Variants in TMEM163 observed in about 807,000 individuals in gnomAD.
TMEM163 encodes the protein transmembrane protein 163.
In TMEM163, 17 loss-of-function variants were observed where a neutral mutation model predicts 29.3. The observed-to-expected ratio is 0.58, with a 90% CI of 0.40 to 0.87. The LOEUF is 0.87. Ranked by LOEUF, TMEM163 falls within the 40% of genes least tolerant of loss-of-function variation. The probability of loss-of-function intolerance (pLI) is 0.00; values close to 1 mark genes in which losing one functional copy is unlikely to be tolerated. For synonymous variants in TMEM163, 157 were observed against 160.6 expected (o/e 0.98, Z 0.17); for missense variants, 303 against 381.5 (o/e 0.79, Z 1.71).
Position 134,491,446 on chromosome 2 carries a change from G to A in TMEM163, c.555+11455C>T, listed in dbSNP as rs144143925. ...AGAATCTTCTGAGAGACTGAGTCTC[G>A]GGGCCGTATTTCCTCTATCAGGAAA... On this transcript the variant is annotated intron_variant, in intron 5 of 7. Transcript: ENST00000281924. Among the ~76,000 whole-genome samples, 30 of 152,214 alleles carry A rather than the reference G, an allele frequency of 2.0e-4. 2 individuals carry two copies. Among genetic ancestry groups the A allele is most frequent in the African/African-American group, 5.8e-4 (24 of 41,518 alleles).
intron 2 of TMEM163, among the ~76,000 whole-genome samples, chr2:134,558,357 A>G (rs1681093331): frequency 1.3e-5 from 2 of 152,174 alleles, no homozygotes; most frequent in Admixed American, 1.3e-4. Flanking sequence ...TTTACGTGTC[A>G]AAGGGGTAAT....
At chr2:134,485,251 C>T (rs988758251) in intron 5 of TMEM163, among the ~76,000 whole-genome samples, 1 of 152,188 alleles carries the variant, frequency 6.6e-6, no homozygotes, top group Non-Finnish European at 1.5e-5. Flanking sequence ...AATCATCTAA[C>T]ACAAAGCCTG....
intron 5 of TMEM163, among the ~76,000 whole-genome samples, chr2:134,492,335 T>C (rs1025299834): frequency 6.6e-6 from 1 of 152,184 alleles, no homozygotes; most frequent in Non-Finnish European, 1.5e-5. Context: ...CCAACCACAG[T>C]CCCTGGGTGC....
chr2:134,718,050 A>G lies in TMEM163; in HGVS notation c.202+684T>C, dbSNP rs1259558428. 2.0e-5 allele frequency among the ~76,000 whole-genome samples: 3 copies of G among 152,236 alleles called. 1 individual carries two copies. The highest frequency in any genetic ancestry group is 6.3e-3 in the Middle Eastern group (2 of 316). Reference sequence around the variant, plus strand: ...GTCTGCAGACGCGCCCTCCGGAAACATCAGGTTTCAGTGGCATCCATCCAG... The same window carrying G: ...GTCTGCAGACGCGCCCTCCGGAAACGTCAGGTTTCAGTGGCATCCATCCAG... On this transcript the variant is annotated intron_variant, in intron 1 of 7. Coordinates refer to ENST00000281924, the MANE Select transcript of TMEM163 (RefSeq NM_030923.5).
rs148040253 is a variant in TMEM163 at position 134,550,582 on chromosome 2, T to C, written c.446A>G (p.His149Arg). 5.9e-5 allele frequency: 96 copies of C among 1,614,096 alleles called. No individual in the cohort carries two copies. The African/African-American group carries it at 1.1e-3, about 19-fold the overall frequency. The change falls in exon 4 of 8, where the codon CAT (histidine) becomes CGT (arginine). Residue 149 changes from histidine to arginine, a missense_variant. Transcript: ENST00000281924. ...YSNAAAVHSA[H>R]REYIACVILG... ...AGAATCTACTTACATGTACTCCCTA[T>C]GGGCAGAGTGCACAGCGGCCGCGTT...
rs376779481 is a variant in TMEM163 at position 134,659,932 on chromosome 2, A to G, written c.322+53268T>C. On this transcript the variant is annotated intron_variant, in intron 2 of 7. Transcript: ENST00000281924. ...AGCCTGGGCAACAGAGCAAGACCCCATCTCTGAGGGAAAAAAAAAGGTCAA... is the reference window on the plus strand; with the variant it reads ...AGCCTGGGCAACAGAGCAAGACCCCGTCTCTGAGGGAAAAAAAAAGGTCAA... Among the ~76,000 whole-genome samples, 28 of 152,168 alleles carry G rather than the reference A, an allele frequency of 1.8e-4. 1 individual carries two copies. The South Asian group carries it at 5.6e-3, about 30-fold the overall frequency.
intron 6 of TMEM163, among the ~76,000 whole-genome samples, chr2:134,464,051 G>T (rs955480653): frequency 6.6e-6 from 1 of 152,142 alleles, no homozygotes; most frequent in African/African-American, 2.4e-5. Context: ...CAATCCTCTC[G>T]CCATTTTAAA....
chr2:134,476,074 AT>A (rs778678863), intron 5 of TMEM163, among the ~76,000 whole-genome samples: 23 of 152,224 alleles, frequency 1.5e-4, no homozygotes, highest in Non-Finnish European at 2.8e-4. Flanking sequence ...AATAACCTAA[AT>A]GTCCAACTAC....
chr2:134,534,490 G>A (rs1435911385), intron 4 of TMEM163, among the ~76,000 whole-genome samples: 1 of 152,090 alleles, frequency 6.6e-6, no homozygotes, highest in Non-Finnish European at 1.5e-5. Context: ...AGTGGCTCAC[G>A]CCTGTAATCC....
Position 134,709,395 on chromosome 2 carries a change from C to G in TMEM163, c.322+3805G>C, listed in dbSNP as rs115933365. On this transcript the variant is annotated intron_variant, in intron 2 of 7. Coordinates refer to ENST00000281924, the MANE Select transcript of TMEM163 (RefSeq NM_030923.5). ...ATTAAAAAATAGTTCACATCCCTTTCAAAGCATACTCAAGGCACAAACTTT... is the reference window on the plus strand; with the variant it reads ...ATTAAAAAATAGTTCACATCCCTTTGAAAGCATACTCAAGGCACAAACTTT... Among the ~76,000 whole-genome samples the G allele has an allele frequency of 5.6e-3, 859 of 152,278 alleles. 11 individuals are homozygous for G. The highest frequency in any genetic ancestry group is 0.02 in the African/African-American group (826 of 41,552).
chr2:134,709,447 T>TA (rs1350492390), intron 2 of TMEM163, among the ~76,000 whole-genome samples: 2 of 152,212 alleles, frequency 1.3e-5, no homozygotes, highest in Non-Finnish European at 2.9e-5. Context: ...TTTCAAACTA[T>TA]ACCAGACATA....
intron 2 of TMEM163, among the ~76,000 whole-genome samples, chr2:134,578,186 A>G (rs1681608963): frequency 6.6e-6 from 1 of 152,246 alleles, no homozygotes; most frequent in African/African-American, 2.4e-5. Context: ...GGAGCTGTGC[A>G]GTATTCTGGC....
At chr2:134,570,313 G>T (rs1401423524) in intron 2 of TMEM163, among the ~76,000 whole-genome samples, 2 of 152,152 alleles carry the variant, frequency 1.3e-5, no homozygotes, top group African/African-American at 4.8e-5. Flanking sequence ...TAAGTGCTTA[G>T]TTAAGATGGA....
At chr2:134,592,180 G>A (rs1427831265) in intron 2 of TMEM163, among the ~76,000 whole-genome samples, 1 of 152,166 alleles carries the variant, frequency 6.6e-6, no homozygotes, top group African/African-American at 2.4e-5. Flanking sequence ...AAGATAAGTG[G>A]GGATGTTGTG....
chr2:134,668,941 C>A (rs571692578), intron 2 of TMEM163, among the ~76,000 whole-genome samples: 1 of 152,100 alleles, frequency 6.6e-6, no homozygotes, highest in South Asian at 2.1e-4. Context: ...GCTCTCACAC[C>A]GAGAGACTCA....
At chr2:134,489,758 C>A (rs1328669393) in intron 5 of TMEM163, among the ~76,000 whole-genome samples, 1 of 152,170 alleles carries the variant, frequency 6.6e-6, no homozygotes, top group African/African-American at 2.4e-5. Context: ...CATTCATCAT[C>A]CCCACAGCAC....
At chr2:134,554,899 C>T (rs1293400844) in intron 2 of TMEM163, among the ~76,000 whole-genome samples, 1 of 152,162 alleles carries the variant, frequency 6.6e-6, no homozygotes, top group African/African-American at 2.4e-5. Flanking sequence ...CCAAGTTAAC[C>T]CAGAGTCCTT....
intron 2 of TMEM163, among the ~76,000 whole-genome samples, chr2:134,696,967 G>T (rs1052798613): frequency 1.3e-5 from 2 of 152,116 alleles, no homozygotes; most frequent in Non-Finnish European, 2.9e-5. Context: ...GTAGAGAGGG[G>T]ATTTCGCCAT....
At chr2:134,457,111 G>A (rs548428636) in intron 7 of TMEM163, among the ~76,000 whole-genome samples, 2 of 152,276 alleles carry the variant, frequency 1.3e-5, no homozygotes, top group South Asian at 2.1e-4. Context: ...ATGTTGGAGC[G>A]AGTATTAGCA....
Sources: allele counts gnomAD v4.1 joint callset (sites outside exome capture counted in the v4.1 genomes callset), GRCh38; gene constraint gnomAD v4.1.1; transcripts MANE v1.5; gene names NCBI Gene and HGNC (gene_info 2026-07-23, HGNC 2026-07-21).